Variants in MCUB observed in about 807,000 individuals in gnomAD.
MCUB encodes the protein calcium uniporter regulatory subunit MCUb, mitochondrial.
In MCUB, 46 loss-of-function variants were observed where a neutral mutation model predicts 41.4. The ratio of observed to expected loss-of-function variants is 1.11; its 90% CI spans 0.88 to 1.42. The LOEUF (loss-of-function observed/expected upper bound fraction) is 1.42, where lower values mean the gene tolerates loss of function less well. Among genes scored for constraint, MCUB ranks in the 40% most tolerant of loss-of-function variants. MCUB has a pLI of 0.00. For synonymous variants in MCUB, 148 were observed against 148.2 expected (o/e 1.00, Z 0.01); for missense variants, 403 against 404.9 (o/e 1.00, Z 0.04).
At chr4:109,599,429 T>G (rs981288954) in intron 1 of MCUB, among the ~76,000 whole-genome samples, 3 of 152,018 alleles carry the variant, frequency 2.0e-5, no homozygotes, top group Non-Finnish European at 4.4e-5. Context: ...TAAATTTTTT[T>G]CAGCTCCAAA....
chr4:109,626,918 C>T (rs1728373757), intron 1 of MCUB, among the ~76,000 whole-genome samples: 1 of 151,234 alleles, frequency 6.6e-6, no homozygotes, highest in Admixed American at 6.6e-5. Context: ...CATTTTGTCA[C>T]ATTATAATTA....
At chr4:109,581,332 T>G (rs547499164) in intron 1 of MCUB, among the ~76,000 whole-genome samples, 34 of 152,296 alleles carry the variant, frequency 2.2e-4, no homozygotes, top group Non-Finnish European at 3.5e-4. Flanking sequence ...TAGCCATATG[T>G]AGAAAGCTGA....
intron 1 of MCUB, among the ~76,000 whole-genome samples, chr4:109,613,000 C>G (rs186837106): frequency 6.6e-6 from 1 of 151,698 alleles, no homozygotes; most frequent in East Asian, 1.9e-4. Flanking sequence ...CAGCTACTCG[C>G]GAGGCTGAAG....
At chr4:109,652,270 G>A (rs997050516) in intron 1 of MCUB, among the ~76,000 whole-genome samples, 2 of 151,984 alleles carry the variant, frequency 1.3e-5, no homozygotes, top group Non-Finnish European at 2.9e-5. Flanking sequence ...CAGGGGGTGG[G>A]GCACAGTTCA....
intron 1 of MCUB, among the ~76,000 whole-genome samples, chr4:109,597,284 GCTC>G (rs530491234): frequency 5.9e-5 from 9 of 152,154 alleles, no homozygotes; most frequent in Admixed American, 4.6e-4. Flanking sequence ...GGGCAGAGGG[GCTC>G]CTCACTTCCC....
At chr4:109,629,636 A>G (rs1382938984) in intron 1 of MCUB, among the ~76,000 whole-genome samples, 3 of 152,224 alleles carry the variant, frequency 2.0e-5, no homozygotes, top group Admixed American at 6.5e-5. Flanking sequence ...AGTGGCTCAC[A>G]GAAAACTCAA....
chr4:109,565,373 T>C (rs564710181), intron 1 of MCUB, among the ~76,000 whole-genome samples: 2 of 152,316 alleles, frequency 1.3e-5, no homozygotes, highest in Admixed American at 6.5e-5. Flanking sequence ...TATTCTAATA[T>C]TAAGACTAGA....
At chr4:109,571,896 T>C (rs918946184) in intron 1 of MCUB, among the ~76,000 whole-genome samples, 2 of 152,244 alleles carry the variant, frequency 1.3e-5, no homozygotes, top group African/African-American at 4.8e-5. Context: ...GGCTGAGATA[T>C]GTAGTCCTGG....
chr4:109,625,916 G>A (rs1728350423), intron 1 of MCUB, among the ~76,000 whole-genome samples: 1 of 152,096 alleles, frequency 6.6e-6, no homozygotes, highest in Admixed American at 6.5e-5. Flanking sequence ...TTTTTGTTTA[G>A]GTTGTTGTAA....
intron 1 of MCUB, 111 bp downstream of exon 1, chr4:109,560,547 G>A: frequency 2.0e-6 from 1 of 511,924 alleles, no homozygotes; most frequent in Non-Finnish European, 3.0e-6. Flanking sequence ...ACTGCGTTTT[G>A]CTGGCTGCCG....
At chr4:109,597,838 C>G (rs974683440) in intron 1 of MCUB, among the ~76,000 whole-genome samples, 1 of 150,954 alleles carries the variant, frequency 6.6e-6, no homozygotes, top group Non-Finnish European at 1.5e-5. Flanking sequence ...ACTTCTCAGA[C>G]GGGGCGGTTG....
At chr4:109,648,210 G>A (rs555847935) in intron 1 of MCUB, among the ~76,000 whole-genome samples, 7 of 99,078 alleles carry the variant, frequency 7.1e-5, no homozygotes, top group South Asian at 3.8e-4. Context: ...ATGTCCTGTC[G>A]AAATGGAAGG....
At chr4:109,619,062 A>G (rs1363504926) in intron 1 of MCUB, among the ~76,000 whole-genome samples, 1 of 149,152 alleles carries the variant, frequency 6.7e-6, no homozygotes, top group Non-Finnish European at 1.5e-5. Context: ...CTACCTACCT[A>G]CCTACCTACC....
intron 1 of MCUB, among the ~76,000 whole-genome samples, chr4:109,590,852 T>A (rs373918355): frequency 6.6e-6 from 1 of 152,232 alleles, no homozygotes; most frequent in Non-Finnish European, 1.5e-5. Context: ...GGCTATTCAC[T>A]GGTGAGACAT....
Position 109,660,186 on chromosome 4 carries a change from C to A in MCUB, c.176-9C>A. The A allele has an allele frequency of 7.6e-7, 1 of 1,321,582 alleles. No homozygotes were observed. The highest frequency in any genetic ancestry group is 1.0e-6 in the Non-Finnish European group (1 of 985,334). 81.9% of individuals were successfully genotyped at this position (1,321,582 alleles called of 1,614,324 possible). A position where few individuals can be genotyped will look rare whatever the true frequency, so the allele number is the denominator to read the frequency against. On this transcript the variant is annotated splice_polypyrimidine_tract_variant and intron_variant, in intron 2 of 7. Coordinates refer to ENST00000394650, the MANE Select transcript of MCUB (RefSeq NM_017918.5). ...TTTACTCATTTTTTTTTCTTTTTTT[C>A]CTTAACAGAAATAACAGTTATTTAT...
chr4:109,608,504 T>A (rs1034701660), intron 1 of MCUB, among the ~76,000 whole-genome samples: 5 of 152,038 alleles, frequency 3.3e-5, no homozygotes, highest in African/African-American at 1.2e-4. Context: ...TTGTTTTGTT[T>A]TGAGACAGGG....
chr4:109,631,016 GA>G (rs2126138025), intron 1 of MCUB, among the ~76,000 whole-genome samples: 1 of 152,234 alleles, frequency 6.6e-6, no homozygotes, highest in African/African-American at 2.4e-5. Flanking sequence ...AATTCTTTTT[GA>G]TTCTTTATAT....
chr4:109,636,601 G>A (rs1054658029), intron 1 of MCUB, among the ~76,000 whole-genome samples: 4 of 152,198 alleles, frequency 2.6e-5, no homozygotes, highest in Admixed American at 6.5e-5. Flanking sequence ...TTAGGAGGCC[G>A]AGGCGGGCAG....
intron 1 of MCUB, among the ~76,000 whole-genome samples, chr4:109,571,694 A>G (rs1457285729): frequency 4.6e-5 from 7 of 152,358 alleles, no homozygotes; most frequent in East Asian, 1.9e-4. Context: ...TGCTCCACAC[A>G]GTCATTCAGG....
Sources: gnomAD v4.1 joint callset for allele counts (sites outside exome capture counted in the v4.1 genomes callset) on GRCh38, gnomAD v4.1.1 for gene constraint, MANE v1.5 for transcripts, NCBI Gene and HGNC (gene_info 2026-07-23, HGNC 2026-07-21) for gene names.